Variants in MASP1 observed in about 807,000 individuals in gnomAD.
MASP1 encodes mannan-binding lectin serine protease 1.
Under a neutral mutation model 77.1 loss-of-function variants are expected in MASP1, and 59 were observed. That is an observed-to-expected ratio of 0.77 (90% CI 0.62 to 0.95). The LOEUF is 0.95. MASP1 is among the 40% of genes least tolerant of loss of function. The pLI, the probability that MASP1 is intolerant of heterozygous loss-of-function variation, is 0.00. For synonymous variants in MASP1, 362 were observed against 354.5 expected (o/e 1.02, Z -0.24); for missense variants, 885 against 912.9 (o/e 0.97, Z 0.39).
chr3:187,241,401 C>A, intron 10 of MASP1, 80 bp downstream of exon 10: 1 of 1,113,812 alleles, frequency 9.0e-7, no homozygotes, highest in Admixed American at 1.7e-5. Context: ...CCCCCATCAC[C>A]CTGTTAACAG....
chr3:187,235,798 T>G lies in MASP1; in HGVS notation c.2073A>C (p.Glu691Asp). ...CTCCATAGACCTGCTTGCTGCCGCA[T>G]TCTTCAGGTCCCCCCCAGGACACCA... ...QGLVSWGGPE[E>D]CGSKQVYGVY... is the part of the protein sequence containing the mutation. Residue 691 changes from glutamate to aspartate, a missense_variant, in exon 11 of 11, where the codon GAA (glutamate) becomes GAC (aspartate). Physicochemically the swap from Glu to Asp is conservative, Grantham distance 45. Coordinates refer to ENST00000296280, the MANE Select transcript of MASP1 (RefSeq NM_139125.4). The G allele has an allele frequency of 6.2e-7, 1 of 1,614,060 alleles. No individual in the cohort carries two copies. Among genetic ancestry groups the G allele is most frequent in the Non-Finnish European group, 8.5e-7 (1 of 1,180,000 alleles).
intron 10 of MASP1, among the ~76,000 whole-genome samples, chr3:187,237,111 C>T (rs879853217): frequency 2.6e-5 from 4 of 152,148 alleles, no homozygotes; most frequent in Non-Finnish European, 5.9e-5. Context: ...CTTCCATTTC[C>T]CATGTAACTC....
At chr3:187,267,367 T>C (rs1716126032) in intron 2 of MASP1, among the ~76,000 whole-genome samples, 2 of 152,172 alleles carry the variant, frequency 1.3e-5, no homozygotes, top group African/African-American at 2.4e-5. Context: ...TAGGCAGACA[T>C]TTAGGGAGTA....
At chr3:187,277,292 G>C (rs1717043611) in intron 2 of MASP1, among the ~76,000 whole-genome samples, 1 of 152,112 alleles carries the variant, frequency 6.6e-6, no homozygotes. Flanking sequence ...AGAAAACACA[G>C]ACATAGGCCC....
At chr3:187,256,633 T>C in intron 5 of MASP1, 31 bp downstream of exon 5, 1 of 1,610,866 alleles carries the variant, frequency 6.2e-7, no homozygotes. Context: ...TTTTCCAGCA[T>C]CTCCAGGACA....
intron 2 of MASP1, among the ~76,000 whole-genome samples, chr3:187,274,709 C>A (rs1365135764): frequency 6.6e-6 from 1 of 152,104 alleles, no homozygotes; most frequent in Non-Finnish European, 1.5e-5. Flanking sequence ...ATGCTTGGCG[C>A]CATAAAGAAT....
At chr3:187,218,799 T>C (rs1309572781) in exon 16 of MASP1, 3 of 152,294 alleles carry the variant, frequency 2.0e-5, no homozygotes, top group African/African-American at 7.2e-5. Flanking sequence ...TCTAGAAGCT[T>C]CCTGAGAGAG....
intron 2 of MASP1, among the ~76,000 whole-genome samples, chr3:187,276,173 G>A (rs1716956138): frequency 6.6e-6 from 1 of 151,408 alleles, no homozygotes; most frequent in South Asian, 2.1e-4. Context: ...TTGCTCAAAT[G>A]TCACTCTCTC....
Position 187,234,317 on chromosome 3 carries a change from C to A in MASP1, c.*1367G>T, listed in dbSNP as rs1712953882. ...GCTGCCTTGCTCTGATGGAGATTTT[C>A]AGGAGAGAGAGCTCCAGGGAGAAGG... On this transcript the variant is annotated 3_prime_UTR_variant, in exon 11 of 11. Transcript: ENST00000296280. 7.8e-7 allele frequency: 1 copy of A among 1,287,090 alleles called. No homozygotes were observed. The highest frequency in any genetic ancestry group is 2.3e-5 in the Admixed American group (1 of 43,536). The allele number at this position is 1,287,090 out of a possible 1,614,324, so 79.7% of individuals were successfully genotyped here. A position where few individuals can be genotyped will look rare whatever the true frequency, so the allele number is the denominator to read the frequency against.
At chr3:187,256,996 T>G in intron 4 of MASP1, 136 bp from the exon 5 acceptor site, 1 of 755,314 alleles carries the variant, frequency 1.3e-6, no homozygotes, top group Admixed American at 2.1e-5. Flanking sequence ...ATTTTACAGA[T>G]GGGAAAAATG....
intron 2 of MASP1, among the ~76,000 whole-genome samples, chr3:187,278,021 C>T (rs1717100400): frequency 6.6e-6 from 1 of 152,196 alleles, no homozygotes; most frequent in South Asian, 2.1e-4. Flanking sequence ...CTTTATTACT[C>T]ATACCATTGC....
At chr3:187,252,520 C>T (rs1714702745) in intron 6 of MASP1, among the ~76,000 whole-genome samples, 1 of 152,210 alleles carries the variant, frequency 6.6e-6, no homozygotes, top group Non-Finnish European at 1.5e-5. Context: ...TACTCTCCCG[C>T]ATCTGAGCAG....
intron 12 of MASP1, among the ~76,000 whole-genome samples, chr3:187,225,683 T>C (rs942723503): frequency 2.0e-5 from 3 of 152,150 alleles, no homozygotes; most frequent in African/African-American, 7.2e-5. Flanking sequence ...CTCTACATAA[T>C]CTCATGGGTC....
intron 1 of MASP1, chr3:187,291,343 GC>G: frequency 1.9e-6 from 1 of 535,522 alleles, no homozygotes; most frequent in East Asian, 3.4e-5. Flanking sequence ...TCGCCAGCAG[GC>G]AGCACCCTGT....
At chr3:187,253,973 T>C (rs1714852445) in intron 5 of MASP1, among the ~76,000 whole-genome samples, 1 of 150,410 alleles carries the variant, frequency 6.6e-6, no homozygotes, top group South Asian at 2.1e-4. Flanking sequence ...AACCTGCATG[T>C]TCTGCACATG....
intron 5 of MASP1, among the ~76,000 whole-genome samples, chr3:187,256,261 C>A (rs7616134): frequency 0.11 from 16,559 of 152,196 alleles, 1,139 homozygotes; most frequent in East Asian, 0.26. Context: ...TTCATACATT[C>A]TTCTTTGCCT....
rs12489890 is a variant in MASP1, at chr3:187,234,627, G to A, written c.*1057C>T. 194,617 of 1,287,082 alleles carry A rather than the reference G, an allele frequency of 0.15. 15,856 individuals carry two copies. The highest frequency in any genetic ancestry group is 0.16 in the Non-Finnish European group (162,077 of 988,644). The allele number at this position is 1,287,082 out of a possible 1,614,324, so 79.7% of individuals were successfully genotyped here. A position where few individuals can be genotyped will look rare whatever the true frequency, so the allele number is the denominator to read the frequency against. ...GAGTGGGTCCCTCTGAACATCCTGC[G>A]GGGTGGATTCTCCGCCCAGCTCATG... On this transcript the variant is annotated 3_prime_UTR_variant, in exon 11 of 11. Coordinates refer to ENST00000296280, the MANE Select transcript of MASP1 (RefSeq NM_139125.4).
chr3:187,248,487 A>G (rs924999004), intron 8 of MASP1, among the ~76,000 whole-genome samples: 1 of 152,196 alleles, frequency 6.6e-6, no homozygotes, highest in Admixed American at 6.5e-5. Flanking sequence ...TAGAGTCTGC[A>G]TTTGTATCTA....
At chr3:187,231,177 T>C (rs1162410350), downstream of MASP1, among the ~76,000 whole-genome samples, 1 of 152,260 alleles carries the variant, frequency 6.6e-6, no homozygotes, top group Non-Finnish European at 1.5e-5. Flanking sequence ...CTTCTTCCTA[T>C]AAACTTTATT....
Sources: gnomAD v4.1 joint callset for allele counts (sites outside exome capture counted in the v4.1 genomes callset) on GRCh38, gnomAD v4.1.1 for gene constraint, MANE v1.5 for transcripts, NCBI Gene and HGNC (gene_info 2026-07-23, HGNC 2026-07-21) for gene names.